The following PAM variants were observed in gnomAD, a reference collection of about 807,000 sequenced individuals.
The protein encoded by PAM is peptidyl-glycine alpha-amidating monooxygenase.
In PAM, 72 loss-of-function variants were observed where a neutral mutation model predicts 122.1. The observed-to-expected ratio is 0.59, with a 90% CI of 0.49 to 0.72. The LOEUF is 0.72. PAM is among the 30% of genes least tolerant of loss of function. The pLI is 0.00. For missense variants in PAM, 1,106 were observed against 1,183.7 expected (o/e 0.93, Z 0.96); for synonymous variants, 389 against 404.4 (o/e 0.96, Z 0.46).
At chr5:102,921,362 C>G in intron 5 of PAM, among the ~76,000 whole-genome samples, 1 of 152,114 alleles carries the variant, frequency 6.6e-6, no homozygotes, top group Non-Finnish European at 1.5e-5. Context: ...CCATCTTTCT[C>G]TTTTTGGTCA....
In PAM at chr5:103,028,132, G is replaced by A. The variant is rs763493823; in HGVS notation, c.2690-53G>A. 14 of 1,416,450 alleles carry A rather than the reference G, an allele frequency of 9.9e-6. No homozygotes were observed. The South Asian group carries it at 1.0e-4, about 11-fold the overall frequency. 87.7% of individuals were successfully genotyped at this position (1,416,450 alleles called of 1,614,324 possible). A position where few individuals can be genotyped will look rare whatever the true frequency, so the allele number is the denominator to read the frequency against. The stretch of plus-strand genomic sequence containing the variant: ...TTTAAGTTGGAAGTTGAGTGCATGG[G>A]TTGAGAAAGATGACTGGGACTCATT... On this transcript the variant is annotated intron_variant, in intron 24 of 25. Transcript: ENST00000438793.
At chr5:102,881,124 A>C (rs1790837240) in intron 3 of PAM, among the ~76,000 whole-genome samples, 2 of 102,112 alleles carry the variant, frequency 2.0e-5, no homozygotes, top group Non-Finnish European at 4.0e-5. Context: ...AATAATTTTT[A>C]TACATACACA....
intron 4 of PAM, among the ~76,000 whole-genome samples, chr5:102,907,992 C>T (rs1344680084): frequency 6.6e-6 from 1 of 151,912 alleles, no homozygotes; most frequent in Non-Finnish European, 1.5e-5. Flanking sequence ...TCCCATTTGT[C>T]AATTTTGTCT....
At chr5:102,785,174 G>A (rs538525583) in intron 1 of PAM, among the ~76,000 whole-genome samples, 1 of 152,304 alleles carries the variant, frequency 6.6e-6, no homozygotes, top group Non-Finnish European at 1.5e-5. Flanking sequence ...CTAAAAAGTA[G>A]TGATGCTAGC....
intron 1 of PAM, among the ~76,000 whole-genome samples, chr5:102,788,126 A>G (rs1761058661): frequency 6.6e-6 from 1 of 152,114 alleles, no homozygotes; most frequent in Non-Finnish European, 1.5e-5. Context: ...AAATCATCAT[A>G]TATTTGATAC....
chr5:102,775,838 T>C (rs1757023626), intron 1 of PAM, among the ~76,000 whole-genome samples: 1 of 152,204 alleles, frequency 6.6e-6, no homozygotes, highest in South Asian at 2.1e-4. Context: ...TGATTTTTAT[T>C]CCTTTGGGTA....
chr5:103,029,805 AACTT>A (rs1281359294), downstream of PAM: 1 of 152,292 alleles, frequency 6.6e-6, no homozygotes, highest in African/African-American at 2.4e-5. Context: ...ATATTAGTGA[AACTT>A]ACTCGATGTC....
intron 1 of PAM, among the ~76,000 whole-genome samples, chr5:102,831,015 G>C (rs1561565110): frequency 6.6e-6 from 1 of 152,150 alleles, no homozygotes; most frequent in Admixed American, 6.5e-5. Context: ...CCCAAAGACA[G>C]ATAAGTTTTA....
chr5:102,986,883 C>G (rs748699645), intron 15 of PAM, among the ~76,000 whole-genome samples: 6 of 152,174 alleles, frequency 3.9e-5, no homozygotes, highest in African/African-American at 1.2e-4. Context: ...ATAAGACATG[C>G]CTTTCACCTT....
chr5:102,847,965 G>C (rs1052822312), intron 1 of PAM, among the ~76,000 whole-genome samples: 1 of 152,142 alleles, frequency 6.6e-6, no homozygotes, highest in Non-Finnish European at 1.5e-5. Flanking sequence ...AAAAACACTG[G>C]TTTTTGAGGA....
At chr5:102,898,686 T>C (rs1377200999) in intron 3 of PAM, among the ~76,000 whole-genome samples, 1 of 151,410 alleles carries the variant, frequency 6.6e-6, no homozygotes, top group Admixed American at 6.6e-5. Flanking sequence ...GACTAAAACT[T>C]CCTGTTAAAT....
intron 1 of PAM, among the ~76,000 whole-genome samples, chr5:102,766,548 C>CA (rs1754005155): frequency 6.6e-6 from 1 of 152,194 alleles, no homozygotes; most frequent in African/African-American, 2.4e-5. Context: ...CTTGCTTGCC[C>CA]ACTGCTCACC....
intron 1 of PAM, among the ~76,000 whole-genome samples, chr5:102,774,719 C>T (rs1002627209): frequency 5.9e-5 from 9 of 152,080 alleles, no homozygotes; most frequent in South Asian, 2.1e-4. Context: ...TTGATACATG[C>T]GAACTATTTA....
At chr5:102,836,865 A>AGAGAGC (rs1164183971) in intron 1 of PAM, among the ~76,000 whole-genome samples, 1 of 148,796 alleles carries the variant, frequency 6.7e-6, no homozygotes, top group East Asian at 2.1e-4. Flanking sequence ...AAACCGAGAG[A>AGAGAGC]GAGAGAGAGA....
At chr5:102,838,747 A>C (rs1777752771) in intron 1 of PAM, among the ~76,000 whole-genome samples, 1 of 152,206 alleles carries the variant, frequency 6.6e-6, no homozygotes, top group South Asian at 2.1e-4. Context: ...GTTTCTCTTC[A>C]TATTCTAATC....
chr5:102,917,616 A>G lies in PAM; in HGVS notation c.356+3595A>G, dbSNP rs113470465. Among the ~76,000 whole-genome samples the G allele has an allele frequency of 2.5e-3, 386 of 152,306 alleles. 3 individuals carry two copies. Among genetic ancestry groups the G allele is most frequent in the African/African-American group, 8.6e-3 (359 of 41,576 alleles). ...TGTTAGCTAGGATTTCCTCCTGTTT[A>G]CACTTCAGTGTTCCATTTTCATTGC... is the stretch of plus-strand genomic sequence containing the variant. On this transcript the variant is annotated intron_variant, in intron 5 of 25. Transcript: ENST00000438793.
chr5:102,778,893 A>T (rs943865785), intron 1 of PAM, among the ~76,000 whole-genome samples: 5 of 152,164 alleles, frequency 3.3e-5, no homozygotes, highest in African/African-American at 4.8e-5. Flanking sequence ...CTTTGTGTGC[A>T]TTTGAATCAG....
intron 12 of PAM, among the ~76,000 whole-genome samples, chr5:102,954,160 T>G (rs1174026203): frequency 6.6e-6 from 1 of 152,174 alleles, no homozygotes; most frequent in Admixed American, 6.6e-5. Flanking sequence ...CAAAATTATT[T>G]TTTATTTCAA....
rs1188549248 is a variant in PAM at position 102,959,989 on chromosome 5, C to A, written c.1020C>A (p.Thr340=). ...TQNVAPDMFR[T]IPPEANIPIP... The stretch of plus-strand genomic sequence containing the variant: ...ATGTAGCTCCAGATATGTTCAGAAC[C>A]ATACCACCAGAGGCCAACATTCCAA... Residue 340 remains threonine (T), a synonymous_variant, in exon 13 of 26, where the codon ACC becomes ACA. Transcript: ENST00000438793. 6.2e-7 allele frequency: 1 copy of A among 1,612,058 alleles called. No individual in the cohort carries two copies. The highest frequency in any genetic ancestry group is 8.5e-7 in the Non-Finnish European group (1 of 1,178,470).
Sources: allele counts gnomAD v4.1 joint callset (sites outside exome capture counted in the v4.1 genomes callset), GRCh38; gene constraint gnomAD v4.1.1; transcripts MANE v1.5; gene names NCBI Gene and HGNC (gene_info 2026-07-23, HGNC 2026-07-21).